The following CCDC6 variants were observed in gnomAD, a reference collection of about 807,000 sequenced individuals.
CCDC6 encodes the protein coiled-coil domain-containing protein 6.
Under a neutral mutation model 56.6 loss-of-function variants are expected in CCDC6, and 20 were observed. That is an observed-to-expected ratio of 0.35 (90% CI 0.25 to 0.51). The LOEUF is 0.51. Among genes scored for constraint, CCDC6 ranks in the 20% least tolerant of loss-of-function variants. The pLI is 0.95. For synonymous variants in CCDC6, 241 were observed against 234.4 expected, an observed-to-expected ratio of 1.03 and a Z score of -0.26; for missense variants, 367 against 601.1, an observed-to-expected ratio of 0.61 and a Z score of 4.07.
At chr10:59,840,056 C>A (rs1196768736) in intron 2 of CCDC6, among the ~76,000 whole-genome samples, 4 of 152,150 alleles carry the variant, frequency 2.6e-5, no homozygotes, top group Non-Finnish European at 5.9e-5. Context: ...AATCTCCTGA[C>A]CTCGTGATCC....
chr10:59,799,074 T>C (rs2070551097), intron 7 of CCDC6, among the ~76,000 whole-genome samples: 1 of 151,534 alleles, frequency 6.6e-6, no homozygotes, highest in African/African-American at 2.4e-5. Context: ...TAGTCAATGT[T>C]CTAGTATTAC....
intron 1 of CCDC6, among the ~76,000 whole-genome samples, chr10:59,881,793 G>T (rs914890950): frequency 1.6e-4 from 25 of 152,188 alleles, no homozygotes; most frequent in African/African-American, 6.0e-4. Context: ...CAATTTTCTT[G>T]TGAGAGTCCC....
intron 5 of CCDC6, 101 bp from the exon 6 acceptor site, chr10:59,807,179 G>C (rs2070632450): frequency 9.6e-7 from 1 of 1,041,366 alleles, no homozygotes. Context: ...TAGACAGAGG[G>C]AATTGTTACA....
At chr10:59,876,472 A>AC (rs2071281769) in intron 1 of CCDC6, among the ~76,000 whole-genome samples, 1 of 151,702 alleles carries the variant, frequency 6.6e-6, no homozygotes, top group Non-Finnish European at 1.5e-5. Context: ...AGGCTCCCTT[A>AC]CCCAGAAAGG....
intron 3 of CCDC6, among the ~76,000 whole-genome samples, chr10:59,817,348 T>C (rs939601207): frequency 6.6e-6 from 1 of 152,158 alleles, no homozygotes; most frequent in Non-Finnish European, 1.5e-5. Context: ...ACCTGGTTAA[T>C]TTTTTATTTT....
At chr10:59,886,211 G>A (rs2071382337) in intron 1 of CCDC6, among the ~76,000 whole-genome samples, 1 of 152,086 alleles carries the variant, frequency 6.6e-6, no homozygotes, top group African/African-American at 2.4e-5. Context: ...AGCCCGAAAC[G>A]GACCAGGATA....
chr10:59,905,812 C>T (rs1399608550), intron 1 of CCDC6, among the ~76,000 whole-genome samples: 2 of 152,192 alleles, frequency 1.3e-5, no homozygotes, highest in Admixed American at 6.5e-5. Context: ...CCCCCAGCCA[C>T]GCCGCCAGCC....
At chr10:59,817,801 GAA>G (rs2070719931) in intron 3 of CCDC6, among the ~76,000 whole-genome samples, 1 of 152,184 alleles carries the variant, frequency 6.6e-6, no homozygotes, top group Admixed American at 6.5e-5. Flanking sequence ...TATGAAATGA[GAA>G]GTTTGGCCTG....
At chr10:59,845,028 A>G (rs1488034630) in intron 2 of CCDC6, among the ~76,000 whole-genome samples, 3 of 152,226 alleles carry the variant, frequency 2.0e-5, no homozygotes, top group African/African-American at 7.2e-5. Context: ...TTGTTTAAAA[A>G]TGAAATGCAA....
In CCDC6 at chr10:59,789,102, C is replaced by T. The variant is rs535456121; in HGVS notation, c.*3815G>A. On this transcript the variant is annotated 3_prime_UTR_variant, in exon 9 of 9. Coordinates refer to ENST00000263102, the MANE Select transcript of CCDC6 (RefSeq NM_005436.5). ...AGTCCAAAGAAGGCTCAGGGGTCAA[C>T]CTGACCAGATACTCTTCTGGAGGAA... is the stretch of plus-strand genomic sequence containing the variant. 4.4e-6 allele frequency: 1 copy of T among 228,210 alleles called. No individual in the cohort carries two copies. Among genetic ancestry groups the T allele is most frequent in the Admixed American group, 5.7e-5 (1 of 17,634 alleles). 14.1% of individuals were successfully genotyped at this position (228,210 alleles called of 1,614,324 possible).
At chr10:59,892,037 G>A (rs922598358) in intron 1 of CCDC6, among the ~76,000 whole-genome samples, 7 of 152,112 alleles carry the variant, frequency 4.6e-5, no homozygotes, top group African/African-American at 1.4e-4. Flanking sequence ...TCCATCATTC[G>A]GCTACTGCAA....
chr10:59,879,510 A>T (rs1311534624), intron 1 of CCDC6, among the ~76,000 whole-genome samples: 1 of 152,210 alleles, frequency 6.6e-6, no homozygotes, highest in Non-Finnish European at 1.5e-5. Flanking sequence ...AAACATCTAC[A>T]CCAAACAAGG....
intron 7 of CCDC6, among the ~76,000 whole-genome samples, chr10:59,798,902 G>C (rs1217996762): frequency 1.3e-5 from 2 of 149,602 alleles, no homozygotes; most frequent in Admixed American, 6.8e-5. Flanking sequence ...GCTGAGGCAG[G>C]AGAATCGCTT....
rs1378263304 is a variant in CCDC6, at chr10:59,807,060, T to C, written c.866A>G (p.Gln289Arg). Residue 289 changes from glutamine to arginine, a missense_variant, in exon 6 of 9, where the codon CAG (glutamine) becomes CGG (arginine). This residue lies in a region of CCDC6 where 81 missense variants were observed against 150.8 expected (regional missense o/e 0.54). Transcript: ENST00000263102. ...AQLQHSEKMAQYLEEERHMRE... is the reference protein window; with the variant it reads ...AQLQHSEKMARYLEEERHMRE... The stretch of plus-strand genomic sequence containing the variant: ...CATGTGACGTTCCTCCTCCAGATAC[T>C]GTGCCATTTTCTCTGAATCTGAAAA... 2.5e-6 allele frequency: 4 copies of C among 1,613,536 alleles called. No individual in the cohort carries two copies. The highest frequency in any genetic ancestry group is 2.7e-5 in the African/African-American group (2 of 74,872).
chr10:59,905,703 G>T (rs996936368), intron 1 of CCDC6, among the ~76,000 whole-genome samples: 1 of 152,132 alleles, frequency 6.6e-6, no homozygotes, highest in African/African-American at 2.4e-5. Flanking sequence ...CCAGGACCCA[G>T]TAAGAGATCC....
intron 5 of CCDC6, among the ~76,000 whole-genome samples, chr10:59,808,715 T>C (rs1458698833): frequency 6.6e-6 from 1 of 152,198 alleles, no homozygotes; most frequent in East Asian, 1.9e-4. Context: ...ACAATGAGCA[T>C]TTTTCTCCCA....
chr10:59,791,963 C>T lies in CCDC6; in HGVS notation c.*954G>A, dbSNP rs1352239418. ...TTATGCCAAGATAATGCGATAATGTCCATTTCAAATAGTATTTTCTAATGG... is the reference window on the plus strand; with the variant it reads ...TTATGCCAAGATAATGCGATAATGTTCATTTCAAATAGTATTTTCTAATGG... On this transcript the variant is annotated 3_prime_UTR_variant, in exon 9 of 9. Coordinates refer to ENST00000263102, the MANE Select transcript of CCDC6 (RefSeq NM_005436.5). 2 of 221,130 alleles carry T rather than the reference C, an allele frequency of 9.0e-6. No homozygotes were observed. Among genetic ancestry groups the T allele is most frequent in the African/African-American group, 4.5e-5 (2 of 44,632 alleles). The allele number at this position is 221,130 out of a possible 1,614,324, so 13.7% of individuals were successfully genotyped here. A position where few individuals can be genotyped will look rare whatever the true frequency, so the allele number is the denominator to read the frequency against.
At chr10:59,814,624 C>T (rs752241709) in intron 4 of CCDC6, 28 bp downstream of exon 4, 2 of 1,239,340 alleles carry the variant, frequency 1.6e-6, no homozygotes, top group Admixed American at 3.4e-5. Context: ...ACACACACAC[C>T]CATACTGAAC....
At chr10:59,832,439 T>G in intron 3 of CCDC6, 86 bp downstream of exon 3, 1 of 1,332,950 alleles carries the variant, frequency 7.5e-7, no homozygotes, top group Non-Finnish European at 1.0e-6. Context: ...TACTTTTCAC[T>G]TAAATTCCTC....
Sources: allele counts gnomAD v4.1 joint callset (sites outside exome capture counted in the v4.1 genomes callset), GRCh38; gene constraint gnomAD v4.1.1; regional missense constraint gnomAD v4.1.1; transcripts MANE v1.5; gene names NCBI Gene and HGNC (gene_info 2026-07-23, HGNC 2026-07-21).